The following TMEM260 variants were observed in gnomAD, a reference collection of about 807,000 sequenced individuals.
The protein encoded by TMEM260 is protein O-mannosyl-transferase TMEM260.
In TMEM260, 82 loss-of-function variants were observed where a neutral mutation model predicts 88.9. That is an observed-to-expected ratio of 0.92 (90% CI 0.77 to 1.11). The LOEUF (loss-of-function observed/expected upper bound fraction) is 1.11, where lower values mean the gene tolerates loss of function less well. Ranked by LOEUF, TMEM260 falls within the 50% of genes least tolerant of loss-of-function variation. The probability of loss-of-function intolerance (pLI) is 0.00; values close to 1 mark genes in which losing one functional copy is unlikely to be tolerated. For synonymous variants in TMEM260, 314 were observed against 309.3 expected (o/e 1.02, Z -0.16); for missense variants, 902 against 853.4 (o/e 1.06, Z -0.71).
intron 14 of TMEM260, among the ~76,000 whole-genome samples, 157 bp downstream of exon 14, chr14:56,635,109 A>G (rs1177337522): frequency 6.6e-6 from 1 of 152,202 alleles, no homozygotes; most frequent in Admixed American, 6.5e-5. Flanking sequence ...ATCATTATAC[A>G]TGAATATTTC....
At chr14:56,606,600 A>G (rs1205848079) in intron 5 of TMEM260, among the ~76,000 whole-genome samples, 1 of 152,192 alleles carries the variant, frequency 6.6e-6, no homozygotes, top group Non-Finnish European at 1.5e-5. Context: ...ACTAAAAAGT[A>G]AGTAAAAAGG....
At chr14:56,612,155 C>CCCGAATCTTTTAAGA in intron 6 of TMEM260, 90 bp from the exon 7 acceptor site, 1 of 1,300,478 alleles carries the variant, frequency 7.7e-7, no homozygotes, top group Non-Finnish European at 1.1e-6. Context: ...TTTAAGAAAA[C>CCCGAATCTTTTAAGA]CCGAATCTTT....
At chr14:56,652,885 G>A (rs964192052), downstream of TMEM260, among the ~76,000 whole-genome samples, 1 of 152,186 alleles carries the variant, frequency 6.6e-6, no homozygotes, top group Non-Finnish European at 1.5e-5. Context: ...TATCCACCTG[G>A]AGGCAGTTCC....
the TMEM260 span, among the ~76,000 whole-genome samples, chr14:56,663,089 G>A: frequency 1.1e-4 from 17 of 152,150 alleles, no homozygotes; most frequent in African/African-American, 3.4e-4. The surrounding 1 kb of genome is among the most constrained non-coding windows in gnomAD (Gnocchi z 4.1). Context: ...AGATCGCGCT[G>A]TTGCCCACCA....
chr14:56,631,108 A>G (rs1339465622), intron 12 of TMEM260, among the ~76,000 whole-genome samples: 1 of 150,550 alleles, frequency 6.6e-6, no homozygotes, highest in Non-Finnish European at 1.5e-5. Flanking sequence ...AGCAGGAGTA[A>G]AAGTTTATTA....
intron 2 of TMEM260, 134 bp downstream of exon 2, chr14:56,585,166 A>G: frequency 2.8e-6 from 2 of 705,802 alleles, no homozygotes. Context: ...TAAGTACAGT[A>G]CGTGACAATT....
chr14:56,613,690 T>C (rs1481427302), intron 7 of TMEM260: 1 of 152,124 alleles, frequency 6.6e-6, no homozygotes, highest in Non-Finnish European at 1.5e-5. Flanking sequence ...TAAATATTTC[T>C]TTTTATGTGT....
downstream of TMEM260, among the ~76,000 whole-genome samples, chr14:56,653,290 AATGTGTATGCACAT>A (rs1211032966): frequency 1.3e-5 from 2 of 152,224 alleles, no homozygotes; most frequent in African/African-American, 4.8e-5. Context: ...TTTCATTTAA[AATGTGTATGCACAT>A]ATGCATGTGT....
chr14:56,653,742 A>AAAAAAAAAAAAAAAAAAAAAAAAAAAAC (rs1555343565), downstream of TMEM260, among the ~76,000 whole-genome samples: 1 of 65,796 alleles, frequency 1.5e-5, no homozygotes, highest in African/African-American at 3.4e-5. Context: ...TCTCCAAAAC[A>AAAAAAAAAAAAAAAAAAAAAAAAAAAAC]AAAAAAAAAA....
chr14:56,622,853 AT>A (rs1311646569), intron 11 of TMEM260, among the ~76,000 whole-genome samples: 1 of 152,226 alleles, frequency 6.6e-6, no homozygotes, highest in Admixed American at 6.5e-5. Context: ...TAAATATACA[AT>A]TTTACATTTT....
At chr14:56,585,220 G>C (rs1041033079) in intron 2 of TMEM260, among the ~76,000 whole-genome samples, 188 bp downstream of exon 2, 1 of 152,016 alleles carries the variant, frequency 6.6e-6, no homozygotes, top group Non-Finnish European at 1.5e-5. Context: ...ATAAAGCAAA[G>C]CCTTTACTAT....
chr14:56,661,341 C>G, the TMEM260 span, among the ~76,000 whole-genome samples: 1 of 152,196 alleles, frequency 6.6e-6, no homozygotes, highest in Admixed American at 6.5e-5. Context: ...ACCACAAAGC[C>G]TGCTTCTGGG....
chr14:56,651,253 A>G (rs1890200886), downstream of TMEM260, among the ~76,000 whole-genome samples: 1 of 152,174 alleles, frequency 6.6e-6, no homozygotes, highest in Non-Finnish European at 1.5e-5. Context: ...AAACAGCCCC[A>G]GGAATAGTAC....
the TMEM260 span, among the ~76,000 whole-genome samples, chr14:56,660,508 A>G: frequency 2.0e-5 from 3 of 152,176 alleles, no homozygotes; most frequent in Non-Finnish European, 4.4e-5. Flanking sequence ...AGAGCACATT[A>G]TTTTCTTATT....
intron 3 of TMEM260, among the ~76,000 whole-genome samples, chr14:56,598,800 G>A (rs1886395914): frequency 6.6e-6 from 1 of 152,072 alleles, no homozygotes; most frequent in Non-Finnish European, 1.5e-5. Flanking sequence ...CATGGCACTG[G>A]GCCACAGACC....
At chr14:56,589,024 A>G (rs1046439867) in intron 3 of TMEM260, among the ~76,000 whole-genome samples, 2 of 152,122 alleles carry the variant, frequency 1.3e-5, no homozygotes, top group Admixed American at 6.5e-5. Flanking sequence ...ACCATTTAAC[A>G]TTATTTAATG....
At chr14:56,659,757 G>A in the TMEM260 span, among the ~76,000 whole-genome samples, 1 of 152,232 alleles carries the variant, frequency 6.6e-6, no homozygotes, top group Non-Finnish European at 1.5e-5. Context: ...TCTTTCAAAA[G>A]ATGAGTCAGG....
At chr14:56,583,584 A>G (rs972115010) in intron 1 of TMEM260, among the ~76,000 whole-genome samples, 13 of 152,224 alleles carry the variant, frequency 8.5e-5, no homozygotes, top group African/African-American at 2.6e-4. Context: ...ATGAAAACCA[A>G]CCAGAATATA....
In TMEM260 at chr14:56,596,425, T is replaced by TATATACAC. The variant is rs1490067903; in HGVS notation, c.345-7389_345-7388insTATACACA. On this transcript the variant is annotated intron_variant, in intron 3 of 15. Coordinates refer to ENST00000261556, the MANE Select transcript of TMEM260 (RefSeq NM_017799.4). ...GTGTGTGTATATATATATATATATA[T>TATATACAC]ACATACACACACATATACATATATA... Among the ~76,000 whole-genome samples, 79 of 135,628 alleles carry TATATACAC rather than the reference T, an allele frequency of 5.8e-4. No homozygotes were observed. In the East Asian group the frequency reaches 0.014, roughly 24 times the overall value. The allele number at this position is 135,628 out of a possible 152,430, so 89.0% of individuals were successfully genotyped here.
Sources: allele counts gnomAD v4.1 joint callset (sites outside exome capture counted in the v4.1 genomes callset), GRCh38; gene constraint gnomAD v4.1.1; non-coding constraint Gnocchi (gnomAD v3.1); transcripts MANE v1.5; gene names NCBI Gene and HGNC (gene_info 2026-07-23, HGNC 2026-07-21).